The following CCDC33 variants were observed in gnomAD, a reference collection of about 807,000 sequenced individuals.
CCDC33 encodes the protein coiled-coil domain-containing protein 33.
CCDC33 carries 94 observed loss-of-function variants against 91.9 expected under a neutral mutation model. The observed-to-expected ratio is 1.02, with a 90% CI of 0.87 to 1.21. The LOEUF (loss-of-function observed/expected upper bound fraction) is 1.21. CCDC33 is among the 50% of genes most tolerant of loss of function. CCDC33 has a pLI of 0.00. For missense variants in CCDC33, 940 were observed against 935.5 expected (o/e 1.00, Z -0.06); for synonymous variants, 396 against 374.5 (o/e 1.06, Z -0.66).
At chr15:74,292,642 G>T (rs188223798) in intron 10 of CCDC33, among the ~76,000 whole-genome samples, 3 of 152,310 alleles carry the variant, frequency 2.0e-5, no homozygotes, top group Admixed American at 1.3e-4. Flanking sequence ...TCCTGGCAAA[G>T]TTGAATGGGA....
chr15:74,276,283 C>A (rs2076447610), intron 7 of CCDC33, among the ~76,000 whole-genome samples: 1 of 152,202 alleles, frequency 6.6e-6, no homozygotes, highest in South Asian at 2.1e-4. Flanking sequence ...GGGTAGATGG[C>A]CTGTCGGACT....
intron 2 of CCDC33, chr15:74,221,430 G>T: frequency 1.7e-6 from 1 of 573,614 alleles, no homozygotes; most frequent in Non-Finnish European, 2.2e-6. Flanking sequence ...TTGCTTCTCA[G>T]CCACGGCCCC....
At chr15:74,315,378 A>G (rs1033127901) in intron 11 of CCDC33, among the ~76,000 whole-genome samples, 3 of 152,210 alleles carry the variant, frequency 2.0e-5, no homozygotes, top group African/African-American at 7.2e-5. Context: ...AGTTGAGGAC[A>G]GGAGAGCCAG....
chr15:74,241,968 C>G (rs1011925551), intron 1 of CCDC33, among the ~76,000 whole-genome samples: 1 of 152,190 alleles, frequency 6.6e-6, no homozygotes, highest in African/African-American at 2.4e-5. Context: ...GTCCAGAGTT[C>G]GTTAGCTTTG....
At position 74,279,962 on chromosome 15, in the gene CCDC33, G is replaced by A; in HGVS notation, c.760-1G>A. On this transcript the variant is annotated splice_acceptor_variant, in intron 7 of 18. Transcript: ENST00000398814. LOFTEE classifies it high-confidence loss of function. ...CACCTGCTCCTACCCTCTCCCTCCA[G>A]CTGTCCAAGCCTGGGGGACCCCCAG... 6.2e-7 allele frequency: 1 copy of A among 1,613,774 alleles called. No individual in the cohort carries two copies. The highest frequency in any genetic ancestry group is 8.5e-7 in the Non-Finnish European group (1 of 1,179,808).
At position 74,308,347 on chromosome 15, in the gene CCDC33, GCAGA is replaced by G. The variant is rs969184392; in HGVS notation, c.1290+12410_1290+12413del. Among the ~76,000 whole-genome samples, 49 of 147,016 alleles carry G rather than the reference GCAGA, an allele frequency of 3.3e-4. 2 individuals carry two copies. The highest frequency in any genetic ancestry group is 2.6e-3 in the South Asian group (12 of 4,638). On this transcript the variant is annotated intron_variant, in intron 11 of 18. Transcript: ENST00000398814. ...GACTAGAAAAGCCCAGTCCATGTGT[GCAGA>G]CAGACAGACACACACACACACACAC...
chr15:74,265,320 C>T (rs2076137607), intron 3 of CCDC33, among the ~76,000 whole-genome samples: 1 of 152,154 alleles, frequency 6.6e-6, no homozygotes, highest in African/African-American at 2.4e-5. Context: ...TCCGCCCCAT[C>T]CTCCCTTTCC....
intron 11 of CCDC33, among the ~76,000 whole-genome samples, chr15:74,317,795 T>C (rs918129900): frequency 6.7e-6 from 1 of 149,814 alleles, no homozygotes; most frequent in Non-Finnish European, 1.5e-5. Flanking sequence ...CAGGAGGGGG[T>C]CTCCGCAACC....
At chr15:74,272,930 A>AC (rs752326149) in intron 7 of CCDC33, 39 bp downstream of exon 7, 1 of 1,612,330 alleles carries the variant, frequency 6.2e-7, no homozygotes, top group South Asian at 1.1e-5. Flanking sequence ...TCCTGTAACT[A>AC]CCCCACACAT....
intron 2 of CCDC33, among the ~76,000 whole-genome samples, chr15:74,221,099 C>T (rs779591945): frequency 6.6e-6 from 1 of 152,140 alleles, no homozygotes; most frequent in Non-Finnish European, 1.5e-5. Flanking sequence ...TTTTATCCCT[C>T]CCAAGTTATC....
intron 11 of CCDC33, among the ~76,000 whole-genome samples, chr15:74,326,505 T>G (rs2930304): frequency 0.63 from 95,734 of 152,080 alleles, 30,575 homozygotes; most frequent in Non-Finnish European, 0.7. Context: ...GAGAACAGCC[T>G]CCCTTCCAGA....
chr15:74,320,372 C>T (rs973457284), intron 11 of CCDC33, among the ~76,000 whole-genome samples: 1 of 152,124 alleles, frequency 6.6e-6, no homozygotes, highest in Non-Finnish European at 1.5e-5. Context: ...AAAGGCCCAG[C>T]TCCACCCCTC....
chr15:74,296,081 C>A, intron 11 of CCDC33, 133 bp downstream of exon 11: 1 of 710,236 alleles, frequency 1.4e-6, no homozygotes, highest in Non-Finnish European at 2.3e-6. Context: ...GCACACTCTG[C>A]ATGTGAGTTA....
At chr15:74,312,234 C>G (rs533112145) in intron 11 of CCDC33, among the ~76,000 whole-genome samples, 1 of 152,228 alleles carries the variant, frequency 6.6e-6, no homozygotes, top group African/African-American at 2.4e-5. Context: ...AGCCTCTGCT[C>G]GTTCCTCGGA....
intron 2 of CCDC33, among the ~76,000 whole-genome samples, chr15:74,226,773 A>G (rs1230058303): frequency 1.3e-5 from 2 of 151,482 alleles, no homozygotes; most frequent in Non-Finnish European, 2.9e-5. Flanking sequence ...GGTTGCGGTG[A>G]GCCAAGATCA....
At chr15:74,222,113 A>G (rs965082590) in intron 2 of CCDC33, among the ~76,000 whole-genome samples, 7 of 152,150 alleles carry the variant, frequency 4.6e-5, no homozygotes, top group African/African-American at 1.7e-4. Context: ...AGGGCTGGAA[A>G]GGGCGGGGGA....
intron 11 of CCDC33, chr15:74,319,474 G>C (rs1567030838): frequency 6.6e-6 from 1 of 152,524 alleles, no homozygotes; most frequent in Non-Finnish European, 1.5e-5. Context: ...GACCAGGACT[G>C]GGGCCTGCCC....
At chr15:74,259,493 G>C (rs2075964128) in intron 2 of CCDC33, among the ~76,000 whole-genome samples, 1 of 152,022 alleles carries the variant, frequency 6.6e-6, no homozygotes, top group Non-Finnish European at 1.5e-5. Flanking sequence ...ATTACCCCGA[G>C]AGCCTCCCTC....
chr15:74,223,137 A>T (rs2074662869), intron 2 of CCDC33, among the ~76,000 whole-genome samples: 1 of 151,974 alleles, frequency 6.6e-6, no homozygotes, highest in African/African-American at 2.4e-5. Context: ...CTCTTCGTTC[A>T]TGCCCCATCC....
Sources: gnomAD v4.1 joint callset for allele counts (sites outside exome capture counted in the v4.1 genomes callset) on GRCh38, gnomAD v4.1.1 for gene constraint, MANE v1.5 for transcripts, NCBI Gene and HGNC (gene_info 2026-07-23, HGNC 2026-07-21) for gene names.